DPP6: variants seen among roughly 807,000 people sequenced by gnomAD.
DPP6 encodes the protein A-type potassium channel modulatory protein DPP6.
A neutral mutation model predicts 122.6 loss-of-function variants in DPP6; 69 were observed. The ratio of observed to expected loss-of-function variants is 0.56; its 90% CI spans 0.46 to 0.69. The LOEUF (loss-of-function observed/expected upper bound fraction) is 0.69, where lower values mean the gene tolerates loss of function less well. DPP6 is among the 30% of genes least tolerant of loss of function. The pLI is 0.00. For synonymous variants in DPP6, 418 were observed against 433.1 expected, an observed-to-expected ratio of 0.97 and a Z score of 0.43; for missense variants, 928 against 1,116.9, an observed-to-expected ratio of 0.83 and a Z score of 2.41.
At chr7:153,979,262 C>A in intron 1 of DPP6, among the ~76,000 whole-genome samples, 1 of 152,108 alleles carries the variant, frequency 6.6e-6, no homozygotes, top group Non-Finnish European at 1.5e-5. Flanking sequence ...TCCTTCACAC[C>A]CCTTGTCAGT....
At chr7:154,579,608 T>A (rs1831911839) in intron 5 of DPP6, among the ~76,000 whole-genome samples, 1 of 152,216 alleles carries the variant, frequency 6.6e-6, no homozygotes, top group African/African-American at 2.4e-5. Flanking sequence ...ATTGGCAAGC[T>A]TGCACCTTGA....
chr7:154,585,936 G>T (rs925752684), intron 5 of DPP6, among the ~76,000 whole-genome samples: 1 of 152,152 alleles, frequency 6.6e-6, no homozygotes, highest in African/African-American at 2.4e-5. Flanking sequence ...TCAGTCATGA[G>T]CATGGGAGAA....
chr7:154,438,038 C>T (rs569701742), intron 1 of DPP6, among the ~76,000 whole-genome samples: 10 of 152,076 alleles, frequency 6.6e-5, no homozygotes, highest in Non-Finnish European at 1.3e-4. Context: ...TAGAATATGC[C>T]GCAGACACAG....
At chr7:154,015,635 G>A (rs562961049) in intron 1 of DPP6, among the ~76,000 whole-genome samples, 7 of 152,176 alleles carry the variant, frequency 4.6e-5, no homozygotes, top group South Asian at 2.1e-4. Flanking sequence ...GTTGTCGTTC[G>A]TTCACTTTCC....
intron 5 of DPP6, among the ~76,000 whole-genome samples, chr7:154,579,950 G>T (rs1245855568): frequency 6.6e-6 from 1 of 152,184 alleles, no homozygotes; most frequent in East Asian, 1.9e-4. Context: ...TTAAAAGAGA[G>T]AGCACAGAAG....
chr7:153,954,117 A>C (rs565790030), intron 1 of DPP6, among the ~76,000 whole-genome samples: 1 of 152,294 alleles, frequency 6.6e-6, no homozygotes, highest in African/African-American at 2.4e-5. Context: ...CACCCAGACA[A>C]GTGTTTGACC....
intron 16 of DPP6, among the ~76,000 whole-genome samples, chr7:154,809,122 G>T (rs777929765): frequency 2.0e-5 from 3 of 152,176 alleles, no homozygotes; most frequent in Non-Finnish European, 2.9e-5. Flanking sequence ...ACCGTTCATG[G>T]AAAGAAGTCA....
intron 1 of DPP6, among the ~76,000 whole-genome samples, chr7:154,061,952 T>C (rs868300567): frequency 0.084 from 4,714 of 56,288 alleles, 375 homozygotes; most frequent in Middle Eastern, 0.17. Flanking sequence ...GAGGCAACCC[T>C]GCGAGGGTGG....
intron 1 of DPP6, among the ~76,000 whole-genome samples, chr7:154,430,635 T>C (rs537463881): frequency 2.6e-5 from 4 of 152,272 alleles, no homozygotes; most frequent in Admixed American, 1.3e-4. Flanking sequence ...CCCATAGCAC[T>C]TCCCCAGCCG....
the DPP6 span, among the ~76,000 whole-genome samples, chr7:153,861,248 A>G: frequency 6.6e-6 from 1 of 152,250 alleles, no homozygotes; most frequent in South Asian, 2.1e-4. Flanking sequence ...TATAATTTAT[A>G]TGCATGAAAA....
At chr7:153,758,260 CAA>C in the DPP6 span, among the ~76,000 whole-genome samples, 2 of 152,162 alleles carry the variant, frequency 1.3e-5, no homozygotes, top group African/African-American at 2.4e-5. Context: ...TCAGCTAAGT[CAA>C]GAGATGGTGT....
At chr7:153,802,619 A>C in the DPP6 span, among the ~76,000 whole-genome samples, 1 of 152,060 alleles carries the variant, frequency 6.6e-6, no homozygotes, top group African/African-American at 2.4e-5. Context: ...TGTAAAATGC[A>C]CTCGAATTTT....
intron 1 of DPP6, among the ~76,000 whole-genome samples, chr7:153,975,251 A>T (rs958286606): frequency 1.1e-4 from 2 of 18,944 alleles, no homozygotes; most frequent in Admixed American, 9.1e-4. Flanking sequence ...TAAAAAAAAA[A>T]AATTATTTCA....
intron 8 of DPP6, 57 bp downstream of exon 8, chr7:154,727,944 T>A: frequency 6.6e-7 from 1 of 1,505,372 alleles, no homozygotes; most frequent in East Asian, 2.3e-5. Context: ...GCTGCTACAT[T>A]GGAGTTGGGT....
chr7:153,835,569 G>A, the DPP6 span, among the ~76,000 whole-genome samples: 4 of 152,104 alleles, frequency 2.6e-5, no homozygotes, highest in Non-Finnish European at 4.4e-5. Context: ...TGTGAGGGCA[G>A]GTGATCAGGT....
chr7:154,828,521 C>A (rs1429646008), intron 16 of DPP6, among the ~76,000 whole-genome samples: 1 of 152,090 alleles, frequency 6.6e-6, no homozygotes, highest in African/African-American at 2.4e-5. Context: ...AAATGAGAAG[C>A]CAGATAGAAA....
At chr7:154,556,020 C>G (rs1332273011) in intron 4 of DPP6, among the ~76,000 whole-genome samples, 1 of 152,136 alleles carries the variant, frequency 6.6e-6, no homozygotes, top group Non-Finnish European at 1.5e-5. Flanking sequence ...TCTTGATTGT[C>G]ATATATAAGA....
chr7:154,287,504 C>A (rs576988476), intron 1 of DPP6, among the ~76,000 whole-genome samples: 1 of 152,186 alleles, frequency 6.6e-6, no homozygotes, highest in African/African-American at 2.4e-5. Context: ...ACAGATCCCA[C>A]GTGGGCCCTG....
At chr7:154,748,843 A>C (rs1843165663) in intron 8 of DPP6, among the ~76,000 whole-genome samples, 1 of 152,178 alleles carries the variant, frequency 6.6e-6, no homozygotes. Flanking sequence ...TCAACAGCTC[A>C]TTCTAGGGAG....
Sources: allele counts gnomAD v4.1 joint callset (sites outside exome capture counted in the v4.1 genomes callset), GRCh38; gene constraint gnomAD v4.1.1; transcripts MANE v1.5; gene names NCBI Gene and HGNC (gene_info 2026-07-23, HGNC 2026-07-21).